Variants in TMEM132C observed in about 807,000 individuals in gnomAD.
The protein encoded by TMEM132C is transmembrane protein 132C.
TMEM132C carries 29 observed loss-of-function variants against 61.4 expected under a neutral mutation model. The observed-to-expected ratio is 0.47, with a 90% CI of 0.35 to 0.64. TMEM132C has a LOEUF of 0.64. TMEM132C is among the 30% of genes least tolerant of loss of function. The probability of loss-of-function intolerance (pLI) is 0.00; values close to 1 mark genes in which losing one functional copy is unlikely to be tolerated. For synonymous variants in TMEM132C, 656 were observed against 633.1 expected (o/e 1.04, Z -0.54); for missense variants, 1,408 against 1,476.9 (o/e 0.95, Z 0.76).
intron 4 of TMEM132C, among the ~76,000 whole-genome samples, chr12:128,653,559 A>T (rs7311968): frequency 0.088 from 13,394 of 152,206 alleles, 1,157 homozygotes; most frequent in African/African-American, 0.23. Context: ...CCTGGGCTCC[A>T]TCCCTGGCTC....
At chr12:128,565,901 A>C (rs933168746) in intron 3 of TMEM132C, among the ~76,000 whole-genome samples, 1 of 151,746 alleles carries the variant, frequency 6.6e-6, no homozygotes, top group Non-Finnish European at 1.5e-5. Context: ...AAAAAGAAAA[A>C]GAATTTGAGA....
chr12:128,622,360 A>AAAAAAAAAAAAT (rs1277080166), intron 4 of TMEM132C, among the ~76,000 whole-genome samples: 5 of 30,128 alleles, frequency 1.7e-4, no homozygotes, highest in African/African-American at 6.6e-4. Context: ...AAAAAAAAAA[A>AAAAAAAAAAAAT]ATATATATAT....
chr12:128,382,125 C>T (rs1016513246), intron 1 of TMEM132C, among the ~76,000 whole-genome samples: 3 of 151,932 alleles, frequency 2.0e-5, no homozygotes, highest in African/African-American at 7.3e-5. Context: ...CCCACTGCCG[C>T]TCTGTAATAT....
At chr12:128,437,144 CAT>C (rs1302585556) in intron 2 of TMEM132C, among the ~76,000 whole-genome samples, 2 of 151,744 alleles carry the variant, frequency 1.3e-5, no homozygotes, top group Non-Finnish European at 2.9e-5. Context: ...TGGGGCATGT[CAT>C]GTGGTGGGGG....
At chr12:128,460,596 G>A (rs1870499775) in intron 2 of TMEM132C, among the ~76,000 whole-genome samples, 1 of 152,072 alleles carries the variant, frequency 6.6e-6, no homozygotes, top group African/African-American at 2.4e-5. Context: ...CCACTGAGTA[G>A]CAATGGCTAC....
intron 1 of TMEM132C, among the ~76,000 whole-genome samples, chr12:128,293,573 G>A (rs1313028025): frequency 6.6e-6 from 1 of 152,012 alleles, no homozygotes; most frequent in Non-Finnish European, 1.5e-5. Flanking sequence ...TATTTTGCTG[G>A]GGGATAAAGA....
intron 1 of TMEM132C, among the ~76,000 whole-genome samples, chr12:128,376,752 AGAAGAAGC>A (rs1395539232): frequency 6.6e-6 from 1 of 152,084 alleles, no homozygotes; most frequent in African/African-American, 2.4e-5. Flanking sequence ...AAAACTTAAA[AGAAGAAGC>A]AGTCTCCTTG....
chr12:128,563,084 C>T (rs1874580107), intron 3 of TMEM132C, among the ~76,000 whole-genome samples: 1 of 152,244 alleles, frequency 6.6e-6, no homozygotes, highest in Non-Finnish European at 1.5e-5. Flanking sequence ...CATGACAGAA[C>T]AGACATACCA....
At chr12:128,687,200 T>C (rs1351361997) in intron 5 of TMEM132C, among the ~76,000 whole-genome samples, 1 of 14,856 alleles carries the variant, frequency 6.7e-5, no homozygotes, top group Non-Finnish European at 1.7e-4. Flanking sequence ...AGACTCTGTC[T>C]CAAAAAAAAA....
chr12:128,325,803 C>A (rs1872491951), intron 1 of TMEM132C, among the ~76,000 whole-genome samples: 1 of 152,118 alleles, frequency 6.6e-6, no homozygotes, highest in South Asian at 2.1e-4. Flanking sequence ...GAAGGATCAC[C>A]AGCAACCCGG....
chr12:128,692,111 G>A (rs138452964), intron 5 of TMEM132C, among the ~76,000 whole-genome samples: 2,874 of 146,386 alleles, frequency 0.02, 35 homozygotes, highest in Non-Finnish European at 0.03. Flanking sequence ...ATCAGTGTGT[G>A]CATCCACCCA....
At chr12:128,268,696 G>A (rs948004621) in intron 1 of TMEM132C, among the ~76,000 whole-genome samples, 1 of 152,082 alleles carries the variant, frequency 6.6e-6, no homozygotes, top group Non-Finnish European at 1.5e-5. Context: ...AGAGAGACAA[G>A]TTGTCAATGG....
chr12:128,406,716 A>T lies in TMEM132C; in HGVS notation c.86-8016A>T, dbSNP rs1875359170. ...GGATGTACTAAGATATAATTAAGAT[A>T]TAACCCTACTTGCACCCTTATTACG... On this transcript the variant is annotated intron_variant, in intron 1 of 8. Transcript: ENST00000435159. Among the ~76,000 whole-genome samples, 3 of 152,222 alleles carry T rather than the reference A, an allele frequency of 2.0e-5. No individual in the cohort carries two copies. In the South Asian group the frequency reaches 6.2e-4, roughly 32 times the overall value.
At chr12:128,276,114 T>C (rs889241173) in intron 1 of TMEM132C, among the ~76,000 whole-genome samples, 3 of 152,198 alleles carry the variant, frequency 2.0e-5, no homozygotes, top group Non-Finnish European at 4.4e-5. Flanking sequence ...TGAAAAGAGA[T>C]TTTTTTCTTA....
At chr12:128,429,509 C>A (rs1013392898) in intron 2 of TMEM132C, among the ~76,000 whole-genome samples, 1 of 152,168 alleles carries the variant, frequency 6.6e-6, no homozygotes. Flanking sequence ...TGCTGGGAAC[C>A]TGGCAGCCTT....
At chr12:128,335,742 T>C (rs1037524482) in intron 1 of TMEM132C, among the ~76,000 whole-genome samples, 35 of 152,206 alleles carry the variant, frequency 2.3e-4, no homozygotes, top group Non-Finnish European at 3.7e-4. Context: ...GGTAGATACC[T>C]GCATTATCCC....
chr12:128,459,211 T>C (rs1189790190), intron 2 of TMEM132C, among the ~76,000 whole-genome samples: 1 of 152,168 alleles, frequency 6.6e-6, no homozygotes, highest in Non-Finnish European at 1.5e-5. Flanking sequence ...CATATTTGAC[T>C]GATGAGAGAA....
intron 1 of TMEM132C, among the ~76,000 whole-genome samples, chr12:128,403,930 C>G (rs560139630): frequency 6.6e-6 from 1 of 152,322 alleles, no homozygotes; most frequent in East Asian, 1.9e-4. Flanking sequence ...CAGGGTTTGT[C>G]AACCTCAGTG....
chr12:128,544,041 C>A lies in TMEM132C; in HGVS notation c.1059C>A (p.Ser353Arg), dbSNP rs73426420. 3.9e-6 allele frequency: 6 copies of A among 1,546,814 alleles called. No individual in the cohort carries two copies. The Admixed American group carries it at 1.2e-4, about 31-fold the overall frequency. The part of the protein sequence containing the change: ...RQWGVKQEVG[S>R]GGKHVTATVA... ...GGGGCGTCAAGCAGGAGGTGGGCAG[C>A]GGCGGAAAGCACGTGACGGCCACCG... Residue 353 changes from serine (S) to arginine (R), a missense_variant, in exon 3 of 9, where the codon AGC becomes AGA. Ser to Arg is a moderately radical substitution (Grantham distance 110, BLOSUM62 -1). Transcript: ENST00000435159.
Sources: gnomAD v4.1 joint callset for allele counts (sites outside exome capture counted in the v4.1 genomes callset) on GRCh38, gnomAD v4.1.1 for gene constraint, MANE v1.5 for transcripts, NCBI Gene and HGNC (gene_info 2026-07-23, HGNC 2026-07-21) for gene names.